The following EIF2B3 variants were observed in gnomAD, a reference collection of about 807,000 sequenced individuals.
EIF2B3 encodes the protein eukaryotic translation initiation factor 2B subunit gamma, also known as translation initiation factor eIF2B subunit gamma.
Under a neutral mutation model 54.1 loss-of-function variants are expected in EIF2B3, and 20 were observed. The observed-to-expected ratio is 0.37, with a 90% CI of 0.26 to 0.54. The LOEUF (loss-of-function observed/expected upper bound fraction) is 0.54, where lower values mean the gene tolerates loss of function less well. Among genes scored for constraint, EIF2B3 ranks in the 20% least tolerant of loss-of-function variants. The probability of loss-of-function intolerance (pLI) is 0.86; values close to 1 mark genes in which losing one functional copy is unlikely to be tolerated. For missense variants in EIF2B3, 448 were observed against 547.8 expected, an observed-to-expected ratio of 0.82 and a Z score of 1.82; for synonymous variants, 153 against 188.1, an observed-to-expected ratio of 0.81 and a Z score of 1.52.
At chr1:44,956,384 A>T (rs1236248254) in intron 3 of EIF2B3, among the ~76,000 whole-genome samples, 1 of 151,992 alleles carries the variant, frequency 6.6e-6, no homozygotes, top group Non-Finnish European at 1.5e-5. Flanking sequence ...GGACTAGGAG[A>T]GGGATAGCAT....
At position 44,983,186 on chromosome 1, in the gene EIF2B3, T is replaced by G. The variant is rs568876361; in HGVS notation, c.-9-2009A>C. On this transcript the variant is annotated intron_variant, in intron 1 of 11. Transcript: ENST00000360403. Reference sequence around the variant, plus strand: ...GCCTGGGCCTCCCAAAGTGCTGAGATTAGAGGCATGAGCCACTGCACCTGA... The same window carrying G: ...GCCTGGGCCTCCCAAAGTGCTGAGAGTAGAGGCATGAGCCACTGCACCTGA... Among the ~76,000 whole-genome samples the G allele has an allele frequency of 2.8e-4, 43 of 152,354 alleles. 1 individual carries two copies. The highest frequency in any genetic ancestry group is 1.0e-3 in the African/African-American group (42 of 41,598).
intron 5 of EIF2B3, among the ~76,000 whole-genome samples, chr1:44,918,748 T>C (rs1191679041): frequency 6.6e-6 from 1 of 152,244 alleles, no homozygotes; most frequent in Non-Finnish European, 1.5e-5. Flanking sequence ...AATCTGATTT[T>C]CCATTGTGGA....
intron 5 of EIF2B3, among the ~76,000 whole-genome samples, chr1:44,900,220 G>C (rs1643252564): frequency 6.6e-6 from 1 of 152,160 alleles, no homozygotes; most frequent in Admixed American, 6.6e-5. Flanking sequence ...GCCAAGGTGG[G>C]TGGATCACTT....
chr1:44,900,267 T>G (rs767816466), intron 5 of EIF2B3, among the ~76,000 whole-genome samples: 2 of 151,742 alleles, frequency 1.3e-5, no homozygotes, highest in African/African-American at 2.4e-5. Flanking sequence ...GCCAACGCAG[T>G]GAAACCCCAT....
chr1:44,957,947 C>T (rs1198176851), intron 3 of EIF2B3, among the ~76,000 whole-genome samples: 1 of 152,132 alleles, frequency 6.6e-6, no homozygotes, highest in Non-Finnish European at 1.5e-5. Context: ...CAGTTTTATC[C>T]TTTGACCCAG....
intron 10 of EIF2B3, among the ~76,000 whole-genome samples, chr1:44,865,872 T>C (rs1047054611): frequency 1.3e-5 from 2 of 152,148 alleles, no homozygotes; most frequent in East Asian, 1.9e-4. Flanking sequence ...CTGGCCATCA[T>C]TGGTACCAAC....
chr1:44,983,576 A>C (rs560096100), intron 1 of EIF2B3, among the ~76,000 whole-genome samples: 1 of 152,328 alleles, frequency 6.6e-6, no homozygotes, highest in Non-Finnish European at 1.5e-5. Context: ...TGGACCCTTA[A>C]GAGTCAAAAG....
At chr1:44,976,626 T>G (rs1211696473) in intron 3 of EIF2B3, among the ~76,000 whole-genome samples, 3 of 152,282 alleles carry the variant, frequency 2.0e-5, no homozygotes, top group South Asian at 2.1e-4. Context: ...TTATGCATGA[T>G]AGCCAAAAAT....
intron 5 of EIF2B3, among the ~76,000 whole-genome samples, chr1:44,916,906 T>A (rs985168971): frequency 1.3e-5 from 2 of 152,128 alleles, no homozygotes; most frequent in African/African-American, 2.4e-5. Context: ...TATATTTGAA[T>A]AAAATCTTCA....
chr1:44,883,806 G>A (rs1286393544), intron 6 of EIF2B3, among the ~76,000 whole-genome samples: 1 of 152,194 alleles, frequency 6.6e-6, no homozygotes, highest in Non-Finnish European at 1.5e-5. Context: ...AGGAGTTACA[G>A]TAGCAGTCTA....
At chr1:44,952,530 A>G (rs971844795) in intron 3 of EIF2B3, among the ~76,000 whole-genome samples, 1 of 151,546 alleles carries the variant, frequency 6.6e-6, no homozygotes, top group Non-Finnish European at 1.5e-5. Context: ...TTCTGCCTGT[A>G]CAATAAATTA....
At chr1:44,875,910 G>A (rs972437414) in intron 8 of EIF2B3, among the ~76,000 whole-genome samples, 15 of 152,192 alleles carry the variant, frequency 9.9e-5, no homozygotes, top group Admixed American at 2.0e-4. Context: ...TCAGCCTGCC[G>A]ACTGCCTGCA....
chr1:44,966,072 T>C (rs572474480), intron 3 of EIF2B3, among the ~76,000 whole-genome samples: 1 of 152,246 alleles, frequency 6.6e-6, no homozygotes, highest in African/African-American at 2.4e-5. Flanking sequence ...CCCTTATCTA[T>C]TCACAGTAAG....
intron 8 of EIF2B3, among the ~76,000 whole-genome samples, chr1:44,877,264 G>A (rs914029900): frequency 6.9e-6 from 1 of 144,512 alleles, no homozygotes; most frequent in East Asian, 2.0e-4. Context: ...GATACAGGGA[G>A]TTCTCAGCCA....
At chr1:44,971,276 G>A (rs538462024) in intron 3 of EIF2B3, among the ~76,000 whole-genome samples, 4 of 151,894 alleles carry the variant, frequency 2.6e-5, no homozygotes, top group Non-Finnish European at 5.9e-5. Context: ...CCAGCTACTC[G>A]GGAGGCTGAG....
At chr1:44,945,578 A>G (rs1241505298) in intron 3 of EIF2B3, among the ~76,000 whole-genome samples, 5 of 125,690 alleles carry the variant, frequency 4.0e-5, no homozygotes. Context: ...AGTTCCCATA[A>G]ACATCTCTTT....
intron 6 of EIF2B3, among the ~76,000 whole-genome samples, chr1:44,887,802 G>A (rs1655645897): frequency 6.6e-6 from 1 of 152,076 alleles, no homozygotes; most frequent in Non-Finnish European, 1.5e-5. Flanking sequence ...CTACTCGGGG[G>A]GCTGAGGCAT....
At chr1:44,885,234 A>G (rs1189744288) in intron 6 of EIF2B3, among the ~76,000 whole-genome samples, 1 of 152,236 alleles carries the variant, frequency 6.6e-6, no homozygotes, top group East Asian at 1.9e-4. Context: ...GACTACTAGC[A>G]AACAATCCCA....
At chr1:44,898,808 T>G (rs1656066869) in intron 5 of EIF2B3, among the ~76,000 whole-genome samples, 1 of 152,192 alleles carries the variant, frequency 6.6e-6, no homozygotes, top group South Asian at 2.1e-4. Context: ...TCCTCCTGCC[T>G]CAGCCTCCTG....
Sources: allele counts gnomAD v4.1 joint callset (sites outside exome capture counted in the v4.1 genomes callset), GRCh38; gene constraint gnomAD v4.1.1; transcripts MANE v1.5; gene names NCBI Gene and HGNC (gene_info 2026-07-23, HGNC 2026-07-21).